SOX5: variants seen among roughly 807,000 people sequenced by gnomAD.
SOX5 encodes transcription factor SOX-5.
Under a neutral mutation model 92.0 loss-of-function variants are expected in SOX5, and 9 were observed. The ratio of observed to expected loss-of-function variants is 0.10; its 90% confidence interval spans 0.06 to 0.17. SOX5 has a LOEUF of 0.17. SOX5 is among the 10% of genes least tolerant of loss of function. The pLI is 1.00. For missense variants in SOX5, 642 were observed against 944.5 expected, an observed-to-expected ratio of 0.68 and a Z score of 4.20; for synonymous variants, 344 against 336.3, an observed-to-expected ratio of 1.02 and a Z score of -0.25.
At chr12:24,443,277 C>T (rs1365638549) in intron 1 of SOX5, among the ~76,000 whole-genome samples, 1 of 152,102 alleles carries the variant, frequency 6.6e-6, no homozygotes, top group Non-Finnish European at 1.5e-5. Flanking sequence ...TTTTAAAACA[C>T]TTTTTGGGCC....
chr12:24,549,898 T>C (rs1952985622), intron 1 of SOX5, among the ~76,000 whole-genome samples: 1 of 152,160 alleles, frequency 6.6e-6, no homozygotes, highest in Non-Finnish European at 1.5e-5. Context: ...GGAAAGATAC[T>C]AGTTTGGGGA....
chr12:23,561,901 C>T (rs888251574), intron 11 of SOX5, among the ~76,000 whole-genome samples: 14 of 151,558 alleles, frequency 9.2e-5, no homozygotes, highest in Admixed American at 1.3e-4. Flanking sequence ...TAACAAATAA[C>T]GGCAATTTAG....
chr12:23,599,055 G>A (rs945659605), intron 9 of SOX5, among the ~76,000 whole-genome samples: 4 of 152,120 alleles, frequency 2.6e-5, no homozygotes, highest in South Asian at 2.1e-4. Flanking sequence ...TTGATATAAC[G>A]TTTACTTGAT....
chr12:23,580,428 G>A (rs1448472799), intron 9 of SOX5, among the ~76,000 whole-genome samples: 1 of 151,904 alleles, frequency 6.6e-6, no homozygotes, highest in Admixed American at 6.6e-5. Flanking sequence ...AAAAGTTAAG[G>A]CGCAAATTCA....
At chr12:24,538,622 C>CAT (rs1168930936) in intron 1 of SOX5, among the ~76,000 whole-genome samples, 1 of 151,652 alleles carries the variant, frequency 6.6e-6, no homozygotes, top group East Asian at 1.9e-4. Context: ...CACACACACA[C>CAT]ACACACACAC....
chr12:23,935,318 T>C (rs1942300919), intron 1 of SOX5, among the ~76,000 whole-genome samples: 1 of 151,210 alleles, frequency 6.6e-6, no homozygotes. Context: ...TATTTACCAA[T>C]TCATCATCAA....
At chr12:23,709,536 T>A (rs891046584) in intron 6 of SOX5, among the ~76,000 whole-genome samples, 2 of 152,190 alleles carry the variant, frequency 1.3e-5, no homozygotes, top group African/African-American at 4.8e-5. Flanking sequence ...TATTAACAAG[T>A]ACCCTCAGAG....
intron 9 of SOX5, among the ~76,000 whole-genome samples, chr12:23,583,888 T>A (rs542553115): frequency 1.3e-5 from 2 of 152,086 alleles, no homozygotes; most frequent in Admixed American, 6.6e-5. Context: ...AAGATTTGTA[T>A]ACAAACATAA....
intron 4 of SOX5, among the ~76,000 whole-genome samples, chr12:23,978,670 T>A (rs887987419): frequency 2.0e-5 from 3 of 151,796 alleles, no homozygotes; most frequent in Non-Finnish European, 4.4e-5. Context: ...CAACTCAGAT[T>A]TTTTTTTTCA....
chr12:23,697,765 G>A (rs1054432411), intron 6 of SOX5, among the ~76,000 whole-genome samples: 1 of 152,060 alleles, frequency 6.6e-6, no homozygotes, highest in Admixed American at 6.6e-5. Context: ...TGCCCAGGCT[G>A]GCCTTGAACT....
rs556111889 is a variant in SOX5, at chr12:23,908,084, ATTC to A, written c.39-12063_39-12061del. ...ATTGTTCCATAATCAAAAGTGACTT[ATTC>A]TTAGCATGGTCTACGTCTTGAAATA... On this transcript the variant is annotated intron_variant, in intron 1 of 14. Coordinates refer to ENST00000451604, the MANE Select transcript of SOX5 (RefSeq NM_006940.6). Among the ~76,000 whole-genome samples, 5 of 152,312 alleles carry A rather than the reference ATTC, an allele frequency of 3.3e-5. No individual in the cohort carries two copies. The East Asian group carries it at 9.6e-4, about 29-fold the overall frequency.
At chr12:24,051,292 G>A (rs936818557) in intron 4 of SOX5, among the ~76,000 whole-genome samples, 1 of 151,902 alleles carries the variant, frequency 6.6e-6, no homozygotes, top group Non-Finnish European at 1.5e-5. Context: ...TACAATGATG[G>A]GAAGACTCAA....
chr12:24,162,689 A>C (rs1218600198), intron 4 of SOX5, among the ~76,000 whole-genome samples: 1 of 152,174 alleles, frequency 6.6e-6, no homozygotes, highest in Non-Finnish European at 1.5e-5. Context: ...AACTTGGTCC[A>C]TGTAAAGGAC....
At chr12:23,611,663 GC>G (rs564265587) in intron 8 of SOX5, among the ~76,000 whole-genome samples, 2 of 152,088 alleles carry the variant, frequency 1.3e-5, no homozygotes, top group Non-Finnish European at 2.9e-5. Context: ...CAGAGATGAT[GC>G]CATATACAGT....
intron 4 of SOX5, among the ~76,000 whole-genome samples, chr12:24,091,063 C>G (rs1006951578): frequency 6.6e-6 from 1 of 152,126 alleles, no homozygotes; most frequent in Non-Finnish European, 1.5e-5. Context: ...GAACAAAGCC[C>G]AAGTGTTTTC....
Position 23,665,543 on chromosome 12 carries a change from A to T in SOX5, c.832T>A (p.Leu278Ile). The part of the protein sequence containing the change: ...QIQVQGQLPP[L>I]MIPVFPPDQR... ...TCAGGAGGGAATACGGGAATCATTA[A>T]TGGCGGCAGCTGACCTTGAACCTGC... Residue 278 changes from leucine to isoleucine, a missense_variant, in exon 7 of 15, where the codon TTA becomes ATA. This residue lies in a region of SOX5 where 324 missense variants were observed against 461.6 expected (regional missense o/e 0.70). Coordinates refer to ENST00000451604, the MANE Select transcript of SOX5 (RefSeq NM_006940.6). 6.2e-7 allele frequency: 1 copy of T among 1,613,302 alleles called. No individual in the cohort carries two copies. The highest frequency in any genetic ancestry group is 8.5e-7 in the Non-Finnish European group (1 of 1,179,492).
At chr12:23,567,283 G>C (rs1407502549) in intron 10 of SOX5, among the ~76,000 whole-genome samples, 1 of 152,078 alleles carries the variant, frequency 6.6e-6, no homozygotes, top group Admixed American at 6.6e-5. Context: ...TCAGATGGGA[G>C]GGCATGTGTA....
intron 2 of SOX5, among the ~76,000 whole-genome samples, chr12:24,358,688 A>G (rs1955164066): frequency 6.6e-6 from 1 of 152,224 alleles, no homozygotes; most frequent in African/African-American, 2.4e-5. Context: ...TTATCAATAA[A>G]AGTGGAAGGT....
intron 7 of SOX5, among the ~76,000 whole-genome samples, chr12:23,646,958 A>G (rs1194541059): frequency 6.6e-6 from 1 of 152,174 alleles, no homozygotes; most frequent in African/African-American, 2.4e-5. Flanking sequence ...CCTCCCTCCC[A>G]TCAATCATTA....
Sources: allele counts gnomAD v4.1 joint callset (sites outside exome capture counted in the v4.1 genomes callset), GRCh38; gene constraint gnomAD v4.1.1; regional missense constraint gnomAD v4.1.1; transcripts MANE v1.5; gene names NCBI Gene and HGNC (gene_info 2026-07-23, HGNC 2026-07-21).